SH2D3C: variants seen among roughly 807,000 people sequenced by gnomAD.
SH2D3C encodes the protein SH2 domain containing 3C.
A neutral mutation model predicts 75.2 loss-of-function variants in SH2D3C; 25 were observed. That is an observed-to-expected ratio of 0.33 (90% CI 0.24 to 0.46). The LOEUF is 0.46. SH2D3C is among the 20% of genes least tolerant of loss of function. The probability of loss-of-function intolerance (pLI) is 1.00; values close to 1 mark genes in which losing one functional copy is unlikely to be tolerated. For missense variants in SH2D3C, 933 were observed against 1,165.3 expected (o/e 0.80, Z 2.90); for synonymous variants, 450 against 473.7 (o/e 0.95, Z 0.65).
chr9:127,749,287 T>C lies in SH2D3C; in HGVS notation c.1063A>G (p.Met355Val). 2 of 1,608,572 alleles carry C rather than the reference T, an allele frequency of 1.2e-6. No homozygotes were observed. The highest frequency in any genetic ancestry group is 1.7e-6 in the Non-Finnish European group (2 of 1,176,990). Residue 355 changes from methionine to valine, a missense_variant, in exon 5 of 12, where the codon ATG becomes GTG. Met to Val is a conservative substitution (Grantham distance 21). Coordinates refer to ENST00000314830, the MANE Select transcript of SH2D3C (RefSeq NM_170600.3). The surrounding 1 kb of genome is among the most constrained non-coding windows in gnomAD (Gnocchi z 5.9). ...VSPSGPKGSHMKRRSVTMTDG... is the reference protein window; with the variant it reads ...VSPSGPKGSHVKRRSVTMTDG... Reference sequence around the variant, plus strand: ...GTCATGGTGACGCTGCGCCGCTTCATGTGGCTGCCCTTGGGGCCTGAGGGG... The same window carrying C: ...GTCATGGTGACGCTGCGCCGCTTCACGTGGCTGCCCTTGGGGCCTGAGGGG...
In SH2D3C at chr9:127,742,123, C is replaced by G. The variant is rs115294444; in HGVS notation, c.1917-164G>C. Among the ~76,000 whole-genome samples, 1,112 of 152,184 alleles carry G rather than the reference C, an allele frequency of 7.3e-3. 13 individuals are homozygous for G. The highest frequency in any genetic ancestry group is 0.025 in the African/African-American group (1,038 of 41,530). The stretch of plus-strand genomic sequence containing the variant: ...GGGGGCGCGGCCAGAGCGTGGAAAG[C>G]AAGGCCTCGGGCTTCTGATTGGTCA... On this transcript the variant is annotated intron_variant, in intron 8 of 11. Transcript: ENST00000314830.
chr9:127,752,138 T>C (rs921664684), intron 3 of SH2D3C, among the ~76,000 whole-genome samples: 2 of 152,028 alleles, frequency 1.3e-5, no homozygotes, highest in African/African-American at 4.8e-5. Context: ...TGGCCTGAAG[T>C]TGGAGGCTGA....
chr9:127,760,081 A>G (rs563509552), intron 3 of SH2D3C, among the ~76,000 whole-genome samples: 16 of 151,942 alleles, frequency 1.1e-4, no homozygotes, highest in Non-Finnish European at 2.4e-4. Context: ...GCTTGAGCCC[A>G]TGAGCTCAAG....
chr9:127,768,883 A>G (rs922063550), intron 2 of SH2D3C, among the ~76,000 whole-genome samples: 1 of 150,284 alleles, frequency 6.7e-6, no homozygotes, highest in African/African-American at 2.5e-5. Flanking sequence ...TTGGCCTGGT[A>G]TGCTCCTTCC....
chr9:127,763,894 G>A (rs920188906), intron 2 of SH2D3C, among the ~76,000 whole-genome samples: 4 of 152,144 alleles, frequency 2.6e-5, no homozygotes, highest in African/African-American at 9.7e-5. Flanking sequence ...AGTCCCTCAA[G>A]CTACAGCCCA....
chr9:127,760,535 T>C (rs1047952830), intron 3 of SH2D3C, among the ~76,000 whole-genome samples: 4 of 152,074 alleles, frequency 2.6e-5, no homozygotes, highest in African/African-American at 9.7e-5. Context: ...ATGGCATGTA[T>C]ATACCTATGT....
Position 127,741,788 on chromosome 9 carries a change from C to A in SH2D3C, c.2088G>T (p.Gln696His). 6.2e-7 allele frequency: 1 copy of A among 1,612,868 alleles called. No homozygotes were observed. Among genetic ancestry groups the A allele is most frequent in the Non-Finnish European group, 8.5e-7 (1 of 1,179,802 alleles). Residue 696 changes from glutamine to histidine, a missense_variant and splice_region_variant, in exon 9 of 12, where the codon CAG (glutamine) becomes CAT (histidine). Transcript: ENST00000314830. ...AAVMGALDMA[Q>H]ISRLEQTWVT... The stretch of plus-strand genomic sequence containing the variant: ...GCCAGCTCTGCGCGGCTCTCAGTAC[C>A]TGGGCCATGTCCAGGGCACCCATGA...
At chr9:127,767,034 G>A (rs528153400) in intron 2 of SH2D3C, 213 of 1,536,178 alleles carry the variant, frequency 1.4e-4, no homozygotes, top group Middle Eastern at 1.3e-3. Context: ...ATTCCCTGCC[G>A]GGAAGGCTCT....
In SH2D3C at chr9:127,739,015, C is replaced by T; in HGVS notation, c.2408-94G>A. The T allele has an allele frequency of 8.6e-7, 1 of 1,166,552 alleles. No homozygotes were observed. The highest frequency in any genetic ancestry group is 1.2e-6 in the Non-Finnish European group (1 of 867,156). The allele number at this position is 1,166,552 out of a possible 1,614,324, so 72.3% of individuals were successfully genotyped here. A position where few individuals can be genotyped will look rare whatever the true frequency, so the allele number is the denominator to read the frequency against. ...GACCCCCCTGTTAGGGACCTCCCCT[C>T]AACTCCGCCAGGGATCCAACAAGGT... On this transcript the variant is annotated intron_variant, in intron 11 of 11. Transcript: ENST00000314830. This position sits in a 1 kb window ranked among gnomAD's most constrained non-coding sequence, Gnocchi z 4.3.
At chr9:127,756,737 C>T (rs1024451020) in intron 3 of SH2D3C, among the ~76,000 whole-genome samples, 1 of 151,452 alleles carries the variant, frequency 6.6e-6, no homozygotes, top group Non-Finnish European at 1.5e-5. Flanking sequence ...CTCCGCCTCC[C>T]GCGTTCATGC....
intron 7 of SH2D3C, 44 bp downstream of exon 7, chr9:127,744,520 G>A (rs1300499537): frequency 6.4e-7 from 1 of 1,561,490 alleles, no homozygotes; most frequent in African/African-American, 1.4e-5. Context: ...CTGCCCCACA[G>A]AACAGAGATG....
intron 2 of SH2D3C, among the ~76,000 whole-genome samples, chr9:127,766,233 C>T (rs542423504): frequency 2.6e-5 from 4 of 152,060 alleles, no homozygotes; most frequent in Non-Finnish European, 5.9e-5. Context: ...GCTCTCTCTC[C>T]CTGTCTGTTC....
At chr9:127,747,038 A>T in intron 6 of SH2D3C, 109 bp downstream of exon 6, 1 of 1,083,816 alleles carries the variant, frequency 9.2e-7, no homozygotes, top group Non-Finnish European at 1.3e-6. Context: ...TCTCTTGGTA[A>T]AGGTCGCGCC....
chr9:127,776,858 TCTC>T (rs1476403448), intron 1 of SH2D3C, among the ~76,000 whole-genome samples: 4 of 152,148 alleles, frequency 2.6e-5, no homozygotes, highest in Admixed American at 6.5e-5. Context: ...ATTGCCTTGG[TCTC>T]CTGAGAAACG....
In SH2D3C at chr9:127,751,296, G is replaced by A. The variant is rs1449470693; in HGVS notation, c.560C>T (p.Ser187Phe). 2 of 1,613,820 alleles carry A rather than the reference G, an allele frequency of 1.2e-6. No homozygotes were observed. The highest frequency in any genetic ancestry group is 1.7e-6 in the Non-Finnish European group (2 of 1,179,818). The change falls in exon 4 of 12, where the codon TCC (serine) becomes TTC (phenylalanine). Residue 187 changes from serine (S) to phenylalanine (F), a missense_variant. Ser to Phe is a radical substitution (Grantham distance 155). Transcript: ENST00000314830. The surrounding 1 kb of genome is among the most constrained non-coding windows in gnomAD (Gnocchi z 4.1). Reference protein sequence around the residue: ...PEAGSDYVKFSKEKYILDSSP... With the variant: ...PEAGSDYVKFFKEKYILDSSP... ...TGAGTCCAGGATGTACTTCTCCTTG[G>A]AGAACTGGGTAGAAAACAGCAAGAG...
chr9:127,743,225 G>A (rs1396411026), intron 7 of SH2D3C, among the ~76,000 whole-genome samples: 4 of 152,230 alleles, frequency 2.6e-5, no homozygotes, highest in Admixed American at 6.5e-5. Context: ...ACGGTCGGCC[G>A]GGCGGGGTGG....
chr9:127,763,481 G>A (rs940287901), intron 2 of SH2D3C, among the ~76,000 whole-genome samples: 1 of 152,134 alleles, frequency 6.6e-6, no homozygotes, highest in Non-Finnish European at 1.5e-5. Context: ...TACTTGGGAC[G>A]CTGAGGCAGG....
At chr9:127,746,108 T>C (rs911552229) in intron 6 of SH2D3C, among the ~76,000 whole-genome samples, 1 of 152,238 alleles carries the variant, frequency 6.6e-6, no homozygotes, top group East Asian at 1.9e-4. Context: ...TGCTTTACTA[T>C]ACCAGATTGC....
chr9:127,742,883 G>C lies in SH2D3C; in HGVS notation c.1882C>G (p.His628Asp). 7 of 1,613,780 alleles carry C rather than the reference G, an allele frequency of 4.3e-6. No individual in the cohort carries two copies. Among genetic ancestry groups the C allele is most frequent in the Non-Finnish European group, 5.9e-6 (7 of 1,179,840 alleles). Residue 628 changes from histidine to aspartate, a missense_variant, in exon 8 of 12, where the codon CAT (histidine) becomes GAT (aspartate). Coordinates refer to ENST00000314830, the MANE Select transcript of SH2D3C (RefSeq NM_170600.3). ...RWGMELLTLP[H>D]GRQLRLDLLE... ...AGGTCTAGGCGTAGCTGCCGGCCAT[G>C]GGGGAGGGTGAGCAGTTCCATGCCC...
Sources: allele counts gnomAD v4.1 joint callset (sites outside exome capture counted in the v4.1 genomes callset), GRCh38; gene constraint gnomAD v4.1.1; non-coding constraint Gnocchi (gnomAD v3.1); transcripts MANE v1.5; gene names NCBI Gene and HGNC (gene_info 2026-07-23, HGNC 2026-07-21).